The following CGRRF1 variants were observed in gnomAD, a reference collection of about 807,000 sequenced individuals.
CGRRF1 encodes cell growth regulator with ring finger domain 1.
CGRRF1 carries 32 observed loss-of-function variants against 37.2 expected under a neutral mutation model. The observed-to-expected ratio is 0.86, with a 90% confidence interval of 0.65 to 1.16. The LOEUF is 1.16. CGRRF1 is among the 50% of genes most tolerant of loss of function. The pLI is 0.00. For missense variants in CGRRF1, 391 were observed against 382.6 expected (o/e 1.02, Z -0.18); for synonymous variants, 141 against 140.3 (o/e 1.00, Z -0.04).
chr14:54,514,508 G>T (rs1404091579), intron 1 of CGRRF1, among the ~76,000 whole-genome samples: 1 of 152,172 alleles, frequency 6.6e-6, no homozygotes, highest in Non-Finnish European at 1.5e-5. Context: ...GTAAACTCGT[G>T]TCATGGGTTT....
At position 54,539,129 on chromosome 14, in the gene CGRRF1, T is replaced by A. The variant is rs1388829603; in HGVS notation, c.*746T>A. 6.6e-6 allele frequency: 1 copy of A among 152,204 alleles called. No homozygotes were observed. Among genetic ancestry groups the A allele is most frequent in the Non-Finnish European group, 1.5e-5 (1 of 68,026 alleles). 9.4% of individuals were successfully genotyped at this position (152,204 alleles called of 1,614,324 possible). A position where few individuals can be genotyped will look rare whatever the true frequency, so the allele number is the denominator to read the frequency against. ...ATCTCCAGGGAAGATCTGTGAGACC[T>A]TTAATGCCTTACCTTAGATTTCTGC... On this transcript the variant is annotated 3_prime_UTR_variant, in exon 6 of 6. Coordinates refer to ENST00000216420, the MANE Select transcript of CGRRF1 (RefSeq NM_006568.3).
At position 54,538,772 on chromosome 14, in the gene CGRRF1, T is replaced by G. The variant is rs1249056253; in HGVS notation, c.*389T>G. 6.2e-6 allele frequency: 1 copy of G among 160,340 alleles called. No homozygotes were observed. Among genetic ancestry groups the G allele is most frequent in the Admixed American group, 5.9e-5 (1 of 17,052 alleles). 9.9% of individuals were successfully genotyped at this position (160,340 alleles called of 1,614,324 possible). On this transcript the variant is annotated 3_prime_UTR_variant, in exon 6 of 6. Transcript: ENST00000216420. Reference sequence around the variant, plus strand: ...AATCGGAGTGCAATTAAGAAAAAACTTAATTCTACTTAAAGTAATTGTGTG... The same window carrying G: ...AATCGGAGTGCAATTAAGAAAAAACGTAATTCTACTTAAAGTAATTGTGTG...
chr14:54,536,540 C>T (rs1200961979), intron 4 of CGRRF1: 6 of 152,138 alleles, frequency 3.9e-5, no homozygotes, highest in Admixed American at 3.9e-4. Flanking sequence ...TGTATTTCCA[C>T]AGAGTGTATT....
At chr14:54,512,896 C>G (rs117582715) in intron 1 of CGRRF1, among the ~76,000 whole-genome samples, 96 of 152,340 alleles carry the variant, frequency 6.3e-4, no homozygotes, top group Non-Finnish European at 1.2e-3. Flanking sequence ...ATTCTCTTTT[C>G]TCTGTTCCCT....
chr14:54,526,144 ATTT>A (rs745596386), intron 2 of CGRRF1, among the ~76,000 whole-genome samples: 5 of 107,076 alleles, frequency 4.7e-5, no homozygotes, highest in Non-Finnish European at 7.4e-5. Flanking sequence ...TATATTTAAG[ATTT>A]TTTTTTTTTT....
In CGRRF1 at chr14:54,538,586, A is replaced by G. The variant is rs2032640338; in HGVS notation, c.*203A>G. 2.6e-6 allele frequency: 1 copy of G among 388,902 alleles called. No individual in the cohort carries two copies. The highest frequency in any genetic ancestry group is 2.1e-5 in the African/African-American group (1 of 48,274). 24.1% of individuals were successfully genotyped at this position (388,902 alleles called of 1,614,324 possible). A position where few individuals can be genotyped will look rare whatever the true frequency, so the allele number is the denominator to read the frequency against. ...AATACTGGAATCCATCTGTGTTGAT[A>G]CATAAAAATTCATTCAACTCTTGAA... On this transcript the variant is annotated 3_prime_UTR_variant, in exon 6 of 6. Transcript: ENST00000216420.
At chr14:54,518,689 T>C (rs1460912687) in intron 1 of CGRRF1, among the ~76,000 whole-genome samples, 1 of 152,228 alleles carries the variant, frequency 6.6e-6, no homozygotes, top group Non-Finnish European at 1.5e-5. Flanking sequence ...TGCATTTCTC[T>C]AATGATCAGT....
At chr14:54,535,781 G>A (rs536689879) in intron 4 of CGRRF1, among the ~76,000 whole-genome samples, 4 of 152,198 alleles carry the variant, frequency 2.6e-5, no homozygotes, top group South Asian at 2.1e-4. Context: ...CCCTCCAGTC[G>A]GTTCTTGGCA....
intron 4 of CGRRF1, among the ~76,000 whole-genome samples, chr14:54,535,588 T>G (rs2032588104): frequency 6.6e-6 from 1 of 152,184 alleles, no homozygotes; most frequent in African/African-American, 2.4e-5. Flanking sequence ...TTATCTAATT[T>G]CTCCACTCTT....
intron 4 of CGRRF1, among the ~76,000 whole-genome samples, chr14:54,532,557 A>G (rs2032533185): frequency 6.6e-6 from 1 of 152,162 alleles, no homozygotes; most frequent in Admixed American, 6.5e-5. Flanking sequence ...TTCACTAGGT[A>G]TATATATATC....
At chr14:54,530,027 C>A (rs1225868927) in intron 2 of CGRRF1, 22 bp from the exon 3 acceptor site, 14 of 1,585,350 alleles carry the variant, frequency 8.8e-6, no homozygotes, top group Non-Finnish European at 1.7e-6. Context: ...CACTTTCATT[C>A]TTTCTCCTTT....
In CGRRF1 at chr14:54,537,813, A is replaced by C; in HGVS notation, c.662A>C (p.Gln221Pro). Residue 221 changes from glutamine (Q) to proline (P), a missense_variant, in exon 5 of 6, where the codon CAA becomes CCA. Transcript: ENST00000216420. ...LYQYLLLAQG[Q>P]FHDLKQLFMS... ...CAATATTTACTCTTGGCTCAAGGTC[A>C]ATTTCATGATCTTAAGGTAAGCCGT... is the stretch of plus-strand genomic sequence containing the variant. The C allele has an allele frequency of 6.2e-7, 1 of 1,603,230 alleles. No homozygotes were observed. Among genetic ancestry groups the C allele is most frequent in the Non-Finnish European group, 8.5e-7 (1 of 1,177,382 alleles).
chr14:54,529,873 A>G (rs2032477922), intron 2 of CGRRF1, among the ~76,000 whole-genome samples, 176 bp from the exon 3 acceptor site: 2 of 152,304 alleles, frequency 1.3e-5, no homozygotes, highest in South Asian at 4.1e-4. Flanking sequence ...GAGCTTTTAT[A>G]TCTCTTGTTA....
At chr14:54,510,595 C>T (rs2032113647) in intron 1 of CGRRF1, among the ~76,000 whole-genome samples, 1 of 152,168 alleles carries the variant, frequency 6.6e-6, no homozygotes, top group Non-Finnish European at 1.5e-5. Context: ...GTATACATTC[C>T]ACACCTTTTG....
intron 1 of CGRRF1, among the ~76,000 whole-genome samples, chr14:54,514,525 C>G (rs1020730824): frequency 1.3e-5 from 2 of 152,186 alleles, no homozygotes; most frequent in Admixed American, 1.3e-4. Flanking sequence ...GTTTGTTGTA[C>G]AGATTATTTC....
chr14:54,529,402 ATCT>A (rs1391470587), intron 2 of CGRRF1, among the ~76,000 whole-genome samples: 5 of 152,250 alleles, frequency 3.3e-5, no homozygotes, highest in Admixed American at 6.5e-5. Context: ...AAATTGTTAT[ATCT>A]TCTTAAGTTG....
chr14:54,515,237 C>T (rs556827301), intron 1 of CGRRF1, among the ~76,000 whole-genome samples: 23 of 151,654 alleles, frequency 1.5e-4, no homozygotes, highest in African/African-American at 4.6e-4. Flanking sequence ...TACAGGTGTG[C>T]ACTACCATGC....
At chr14:54,522,677 C>A in intron 2 of CGRRF1, 84 bp downstream of exon 2, 2 of 1,252,000 alleles carry the variant, frequency 1.6e-6, no homozygotes, top group Middle Eastern at 2.4e-4. Context: ...ATTTCTTTCC[C>A]TTCATTAGAC....
intron 3 of CGRRF1, 172 bp downstream of exon 3, chr14:54,530,398 C>CAGTATTTG (rs1436573702): frequency 1.1e-6 from 1 of 887,008 alleles, no homozygotes; most frequent in African/African-American, 1.7e-5. Flanking sequence ...CTATCAGGAA[C>CAGTATTTG]AGTATTTGTA....
Sources: gnomAD v4.1 joint callset for allele counts (sites outside exome capture counted in the v4.1 genomes callset) on GRCh38, gnomAD v4.1.1 for gene constraint, MANE v1.5 for transcripts, NCBI Gene and HGNC (gene_info 2026-07-23, HGNC 2026-07-21) for gene names.